Variants in PRKCE observed in about 807,000 individuals in gnomAD.
PRKCE encodes protein kinase C epsilon type.
Under a neutral mutation model 85.4 loss-of-function variants are expected in PRKCE, and 16 were observed. That is an observed-to-expected ratio of 0.19 (90% CI 0.13 to 0.28). The LOEUF (loss-of-function observed/expected upper bound fraction) is 0.28. Ranked by LOEUF, PRKCE falls within the 10% of genes least tolerant of loss-of-function variation. The probability of loss-of-function intolerance (pLI) is 1.00; values close to 1 mark genes in which losing one functional copy is unlikely to be tolerated. For missense variants in PRKCE, 573 were observed against 975.2 expected (o/e 0.59, Z 5.49); for synonymous variants, 388 against 371.5 (o/e 1.04, Z -0.51).
At chr2:45,873,464 A>T (rs1166500783) in intron 2 of PRKCE, among the ~76,000 whole-genome samples, 1 of 151,888 alleles carries the variant, frequency 6.6e-6, no homozygotes, top group Non-Finnish European at 1.5e-5. Flanking sequence ...GCAAAAAAAA[A>T]AAAAAAAAAA....
At chr2:45,908,552 CCAG>C (rs1305695232) in intron 2 of PRKCE, among the ~76,000 whole-genome samples, 2 of 152,192 alleles carry the variant, frequency 1.3e-5, no homozygotes, top group Non-Finnish European at 2.9e-5. Context: ...GCATTTCAAA[CCAG>C]CTCCTGGTCT....
chr2:45,817,805 A>C (rs1162700733), intron 1 of PRKCE, among the ~76,000 whole-genome samples: 1 of 152,138 alleles, frequency 6.6e-6, no homozygotes, highest in African/African-American at 2.4e-5. Context: ...TGAAGCTGGG[A>C]GTGGAATCCT....
chr2:46,098,911 T>A (rs1670951158), intron 11 of PRKCE, among the ~76,000 whole-genome samples: 1 of 152,134 alleles, frequency 6.6e-6, no homozygotes, highest in Non-Finnish European at 1.5e-5. Context: ...TGTTTCAAGA[T>A]GACTCAGGCT....
intron 13 of PRKCE, among the ~76,000 whole-genome samples, chr2:46,152,338 T>C (rs1448029106): frequency 6.6e-6 from 1 of 151,870 alleles, no homozygotes; most frequent in South Asian, 2.1e-4. Context: ...CCCGCCATCA[T>C]GCCTGGCTAA....
At chr2:46,179,368 C>T (rs1195243768) in intron 14 of PRKCE, among the ~76,000 whole-genome samples, 5 of 152,162 alleles carry the variant, frequency 3.3e-5, no homozygotes, top group South Asian at 2.1e-4. Flanking sequence ...CTCCCAACAC[C>T]ACCACAGCCG....
At chr2:45,909,697 G>C (rs371109069) in intron 2 of PRKCE, among the ~76,000 whole-genome samples, 2 of 152,196 alleles carry the variant, frequency 1.3e-5, no homozygotes, top group South Asian at 4.1e-4. Context: ...TGAGGCTACC[G>C]TTTCACAGTG....
chr2:45,960,860 C>G (rs967456958), intron 2 of PRKCE, among the ~76,000 whole-genome samples: 2 of 152,174 alleles, frequency 1.3e-5, no homozygotes, highest in African/African-American at 4.8e-5. Flanking sequence ...TTTCTGCCCC[C>G]CAGTTTTCCT....
chr2:46,135,773 T>TTTTTTTTTTTA (rs1489261334), intron 11 of PRKCE, among the ~76,000 whole-genome samples: 2 of 122,726 alleles, frequency 1.6e-5, no homozygotes, highest in South Asian at 2.9e-4. Context: ...TTTTTTTTTT[T>TTTTTTTTTTTA]AATGTAGGGG....
chr2:46,014,363 C>T (rs1464224824), intron 10 of PRKCE, among the ~76,000 whole-genome samples: 2 of 152,190 alleles, frequency 1.3e-5, no homozygotes, highest in Non-Finnish European at 2.9e-5. Context: ...CAGGTCCTCC[C>T]TCTTACAACT....
At chr2:45,808,484 G>T (rs1219815559) in intron 1 of PRKCE, among the ~76,000 whole-genome samples, 1 of 152,176 alleles carries the variant, frequency 6.6e-6, no homozygotes, top group Non-Finnish European at 1.5e-5. Context: ...TTGCTGGAGT[G>T]CTGATTAAAC....
chr2:45,779,303 G>T (rs964786919), intron 1 of PRKCE, among the ~76,000 whole-genome samples: 5 of 152,212 alleles, frequency 3.3e-5, no homozygotes, highest in African/African-American at 1.2e-4. Context: ...CAGCAAGACT[G>T]CTTGGATGGA....
At chr2:45,798,159 A>G (rs534386166) in intron 1 of PRKCE, among the ~76,000 whole-genome samples, 1 of 152,352 alleles carries the variant, frequency 6.6e-6, no homozygotes, top group East Asian at 1.9e-4. Context: ...AATAAAGTAT[A>G]CAGTGGAAAC....
rs1680434201 is a variant in PRKCE at position 46,186,125 on chromosome 2, G to A, written c.*1244G>A. The A allele has an allele frequency of 6.6e-6, 1 of 152,566 alleles. No individual in the cohort carries two copies. 9.5% of individuals were successfully genotyped at this position (152,566 alleles called of 1,614,324 possible). A position where few individuals can be genotyped will look rare whatever the true frequency, so the allele number is the denominator to read the frequency against. On this transcript the variant is annotated 3_prime_UTR_variant, in exon 15 of 15. Transcript: ENST00000306156. Reference sequence around the variant, plus strand: ...GTGACATGCAATGGCAACTCATGTGGACACTATTGAAGGGATGTGACATTA... The same window carrying A: ...GTGACATGCAATGGCAACTCATGTGAACACTATTGAAGGGATGTGACATTA...
At chr2:45,833,357 C>G (rs1263876062) in intron 1 of PRKCE, among the ~76,000 whole-genome samples, 1 of 152,122 alleles carries the variant, frequency 6.6e-6, no homozygotes, top group African/African-American at 2.4e-5. Context: ...TATTGAATAC[C>G]TATCTCAATC....
chr2:46,179,916 C>T (rs992899122), intron 14 of PRKCE, among the ~76,000 whole-genome samples: 1 of 152,180 alleles, frequency 6.6e-6, no homozygotes, highest in Non-Finnish European at 1.5e-5. Flanking sequence ...ACCCTGAACC[C>T]AGATCACGTT....
chr2:45,827,579 G>C (rs1335077097), intron 1 of PRKCE, among the ~76,000 whole-genome samples: 1 of 152,318 alleles, frequency 6.6e-6, no homozygotes, highest in East Asian at 1.9e-4. Context: ...TCAGAGAATA[G>C]ATAGTCCGTG....
chr2:45,756,268 A>T (rs1683995376), intron 1 of PRKCE, among the ~76,000 whole-genome samples: 1 of 152,164 alleles, frequency 6.6e-6, no homozygotes, highest in South Asian at 2.1e-4. Context: ...CAAATACCAG[A>T]TGATAGGGCA....
Position 45,856,497 on chromosome 2 carries a change from C to G in PRKCE, c.412+13434C>G, listed in dbSNP as rs540541664. Among the ~76,000 whole-genome samples the G allele has an allele frequency of 6.6e-5, 10 of 152,352 alleles. No individual in the cohort carries two copies. In the South Asian group the frequency reaches 2.1e-3, roughly 32 times the overall value. The stretch of plus-strand genomic sequence containing the variant: ...CCACCCACCTCGGCCTCCCAGAGTT[C>G]TTGGATTACAGGCGTGAGCCATGTG... On this transcript the variant is annotated intron_variant, in intron 2 of 14. Transcript: ENST00000306156.
chr2:46,177,392 G>T (rs1453494342), intron 14 of PRKCE, among the ~76,000 whole-genome samples: 1 of 152,196 alleles, frequency 6.6e-6, no homozygotes, highest in Non-Finnish European at 1.5e-5. Context: ...TGATCTCATG[G>T]TTTGAGGCTA....
Sources: allele counts gnomAD v4.1 joint callset (sites outside exome capture counted in the v4.1 genomes callset), GRCh38; gene constraint gnomAD v4.1.1; transcripts MANE v1.5; gene names NCBI Gene and HGNC (gene_info 2026-07-23, HGNC 2026-07-21).